The following RAPGEF6 variants were observed in gnomAD, a reference collection of about 807,000 sequenced individuals.
RAPGEF6 encodes the protein PDZ domain containing guanine nucleotide exchange factor (GEF) 2.
RAPGEF6 carries 56 observed loss-of-function variants against 171.4 expected under a neutral mutation model. That is an observed-to-expected ratio of 0.33 (90% CI 0.26 to 0.41). The LOEUF is 0.41. Among genes scored for constraint, RAPGEF6 ranks in the 10% least tolerant of loss-of-function variants. The pLI is 1.00. For missense variants in RAPGEF6, 1,674 were observed against 1,921.4 expected, an observed-to-expected ratio of 0.87 and a Z score of 2.41; for synonymous variants, 692 against 650.1, an observed-to-expected ratio of 1.06 and a Z score of -0.98.
intron 6 of RAPGEF6, among the ~76,000 whole-genome samples, chr5:131,538,038 G>A (rs567242438): frequency 6.6e-6 from 1 of 152,260 alleles, no homozygotes; most frequent in African/African-American, 2.4e-5. Context: ...GCTGCAATGA[G>A]CTGTGATCAT....
chr5:131,528,180 ATATTATAT>A (rs1472347452), intron 6 of RAPGEF6, among the ~76,000 whole-genome samples: 5 of 122,544 alleles, frequency 4.1e-5, no homozygotes, highest in South Asian at 4.5e-4. Flanking sequence ...ATATAAATTT[ATATTATAT>A]TATAATTATA....
chr5:131,506,166 G>C (rs1757361123), intron 9 of RAPGEF6, among the ~76,000 whole-genome samples: 1 of 152,082 alleles, frequency 6.6e-6, no homozygotes, highest in Non-Finnish European at 1.5e-5. Context: ...TGAGAGATGG[G>C]GTCTTGCTCT....
At chr5:131,601,122 G>A (rs975144712) in intron 3 of RAPGEF6, among the ~76,000 whole-genome samples, 13 of 149,902 alleles carry the variant, frequency 8.7e-5, no homozygotes, top group African/African-American at 2.2e-4. Flanking sequence ...GGTGGCTCAC[G>A]CCTGTAATCC....
At chr5:131,558,725 G>A (rs967658270) in intron 5 of RAPGEF6, among the ~76,000 whole-genome samples, 10 of 151,722 alleles carry the variant, frequency 6.6e-5, no homozygotes, top group South Asian at 6.2e-4. Context: ...TAGAGCATAC[G>A]CCTGAATTTC....
At chr5:131,509,898 A>T (rs1420098240) in intron 8 of RAPGEF6, among the ~76,000 whole-genome samples, 1 of 152,222 alleles carries the variant, frequency 6.6e-6, no homozygotes, top group Admixed American at 6.5e-5. Flanking sequence ...TACAGATAAT[A>T]AAAAACTGTG....
At chr5:131,586,886 A>G (rs1014916920) in intron 4 of RAPGEF6, among the ~76,000 whole-genome samples, 11 of 152,172 alleles carry the variant, frequency 7.2e-5, no homozygotes, top group African/African-American at 2.7e-4. Context: ...CACCCTGTTG[A>G]GACAGTCAAG....
intron 22 of RAPGEF6, among the ~76,000 whole-genome samples, chr5:131,445,837 C>G (rs959056046): frequency 6.6e-6 from 1 of 152,018 alleles, no homozygotes; most frequent in African/African-American, 2.4e-5. Context: ...CACGCCTGGC[C>G]TTAACCTACA....
intron 16 of RAPGEF6, among the ~76,000 whole-genome samples, chr5:131,475,334 A>G (rs1471375384): frequency 6.6e-6 from 1 of 152,238 alleles, no homozygotes; most frequent in Non-Finnish European, 1.5e-5. Flanking sequence ...CAGAAGAAAA[A>G]TCGTTTAAAA....
rs1305965738 is a variant in RAPGEF6 at position 131,429,138 on chromosome 5, G to A, written c.4544C>T (p.Ser1515Phe). ...PPTPPGYLGI[S>F]LADLKEGPHT... ...GGGTCCTTCCTTTAGGTCCGCTAAA[G>A]AAATCCCCAAATATCCTGGAGGAGT... is the stretch of plus-strand genomic sequence containing the variant. The change falls in exon 27 of 28, where the codon TCT (serine) becomes TTT (phenylalanine). Residue 1515 changes from serine (S) to phenylalanine (F), a missense_variant. Coordinates refer to ENST00000509018, the MANE Select transcript of RAPGEF6 (RefSeq NM_016340.6). 1.2e-6 allele frequency: 2 copies of A among 1,613,984 alleles called. No individual in the cohort carries two copies. Among genetic ancestry groups the A allele is most frequent in the South Asian group, 2.2e-5 (2 of 91,080 alleles).
chr5:131,575,712 C>A (rs73262186), intron 4 of RAPGEF6, among the ~76,000 whole-genome samples: 9,993 of 152,194 alleles, frequency 0.066, 793 homozygotes, highest in African/African-American at 0.19. Flanking sequence ...GCCCTAGAAA[C>A]AGCTCCCACA....
At chr5:131,465,455 A>G (rs1754269408) in intron 17 of RAPGEF6, among the ~76,000 whole-genome samples, 1 of 152,192 alleles carries the variant, frequency 6.6e-6, no homozygotes. Context: ...CCCTATGACA[A>G]TAAATTACTG....
intron 1 of RAPGEF6, among the ~76,000 whole-genome samples, chr5:131,608,692 T>C (rs1764754825): frequency 6.6e-6 from 1 of 152,142 alleles, no homozygotes; most frequent in Non-Finnish European, 1.5e-5. Flanking sequence ...TCAATGCTTG[T>C]CTGAGGGGGT....
chr5:131,631,378 A>C lies in RAPGEF6; in HGVS notation c.69+3584T>G, dbSNP rs150800443. 2.9e-3 allele frequency among the ~76,000 whole-genome samples: 443 copies of C among 152,252 alleles called. 9 individuals are homozygous for C. The highest frequency in any genetic ancestry group is 8.7e-4 in the Non-Finnish European group (59 of 68,012). On this transcript the variant is annotated intron_variant, in intron 1 of 27. Transcript: ENST00000509018. ...CTCAAACCTCTCTGACAATAACTCC[A>C]ACACTCCAGTTATTTAGGCCAAAAA...
intron 16 of RAPGEF6, among the ~76,000 whole-genome samples, chr5:131,474,448 CAATA>C (rs536885789): frequency 1.1e-4 from 16 of 151,840 alleles, no homozygotes; most frequent in African/African-American, 3.9e-4. Flanking sequence ...CGTATCAAAA[CAATA>C]AATAAATAAA....
intron 4 of RAPGEF6, among the ~76,000 whole-genome samples, chr5:131,591,918 C>T (rs1020435261): frequency 6.6e-6 from 1 of 151,976 alleles, no homozygotes. Flanking sequence ...AGTGTAATGG[C>T]GTGGTCTCAG....
chr5:131,467,930 T>G (rs1754472906), intron 17 of RAPGEF6, among the ~76,000 whole-genome samples: 1 of 148,202 alleles, frequency 6.7e-6, no homozygotes, highest in Admixed American at 6.7e-5. Flanking sequence ...ACTCGGGAGT[T>G]TGAGGTGGGA....
chr5:131,578,129 T>C (rs1235920963), intron 4 of RAPGEF6, among the ~76,000 whole-genome samples: 1 of 152,164 alleles, frequency 6.6e-6, no homozygotes, highest in Non-Finnish European at 1.5e-5. Flanking sequence ...TCTCTTGGAG[T>C]GGATAGAAGA....
intron 5 of RAPGEF6, among the ~76,000 whole-genome samples, chr5:131,558,173 T>C (rs1054609578): frequency 1.3e-5 from 2 of 151,960 alleles, no homozygotes; most frequent in South Asian, 4.1e-4. Flanking sequence ...TTTCTAGATA[T>C]TGGCTTGTGC....
chr5:131,462,438 T>C (rs1196249663), intron 18 of RAPGEF6, among the ~76,000 whole-genome samples: 2 of 152,202 alleles, frequency 1.3e-5, no homozygotes, highest in Non-Finnish European at 2.9e-5. Flanking sequence ...TATGTAAATA[T>C]TTGTTTATGA....
Sources: gnomAD v4.1 joint callset for allele counts (sites outside exome capture counted in the v4.1 genomes callset) on GRCh38, gnomAD v4.1.1 for gene constraint, MANE v1.5 for transcripts, NCBI Gene and HGNC (gene_info 2026-07-23, HGNC 2026-07-21) for gene names.